The following ETV5 variants were observed in gnomAD, a reference collection of about 807,000 sequenced individuals.
The protein encoded by ETV5 is ETS variant transcription factor 5.
In ETV5, 10 loss-of-function variants were observed where a neutral mutation model predicts 70.0. That is an observed-to-expected ratio of 0.14 (90% confidence interval 0.09 to 0.24). The LOEUF is 0.24. Among genes scored for constraint, ETV5 ranks in the 10% least tolerant of loss-of-function variants. ETV5 has a pLI of 1.00. For synonymous variants in ETV5, 216 were observed against 242.2 expected (o/e 0.89, Z 1.01); for missense variants, 453 against 651.2 (o/e 0.70, Z 3.31).
At chr3:186,107,702 T>A (rs1326972724) in intron 1 of ETV5, among the ~76,000 whole-genome samples, 2 of 151,936 alleles carry the variant, frequency 1.3e-5, no homozygotes, top group African/African-American at 4.8e-5. Flanking sequence ...AGGAAAACTT[T>A]AGCACAGCGC....
rs34100225 is a variant in ETV5 at position 186,105,764 on chromosome 3, AG to A, written c.46-53del. The A allele has an allele frequency of 6.2e-7, 1 of 1,611,526 alleles. No homozygotes were observed. Among genetic ancestry groups the A allele is most frequent in the Non-Finnish European group, 8.5e-7 (1 of 1,177,574 alleles). Reference sequence around the variant, plus strand: ...GCTCAAGTGTAGTAAAGAGGTCCACAGGGGGAAGACTCATATTGGAGAGGGA... The same window carrying A: ...GCTCAAGTGTAGTAAAGAGGTCCACAGGGGAAGACTCATATTGGAGAGGGA... On this transcript the variant is annotated intron_variant, in intron 2 of 12. Coordinates refer to ENST00000306376, the MANE Select transcript of ETV5 (RefSeq NM_004454.3). This position sits in a 1 kb window ranked among gnomAD's most constrained non-coding sequence, Gnocchi z 4.5.
At chr3:186,108,507 A>C in intron 1 of ETV5, 1 of 1,276,374 alleles carries the variant, frequency 7.8e-7, no homozygotes, top group Non-Finnish European at 1.0e-6. Context: ...CCTCTCAGAC[A>C]TTCCCCTCAA....
chr3:186,052,831 C>T lies in ETV5; in HGVS notation c.1210-700G>A, dbSNP rs1330836004. ...CACTGATAGGGCAATATAATTGGAG[C>T]TCTGGGCAAAGCAGCCTTCTAGCAG... On this transcript the variant is annotated intron_variant, in intron 11 of 12. Transcript: ENST00000306376. The surrounding 1 kb of genome is among the most constrained non-coding windows in gnomAD (Gnocchi z 4.5). Among the ~76,000 whole-genome samples the T allele has an allele frequency of 6.6e-6, 1 of 152,182 alleles. No individual in the cohort carries two copies. Among genetic ancestry groups the T allele is most frequent in the Non-Finnish European group, 1.5e-5 (1 of 68,040 alleles).
intron 7 of ETV5, among the ~76,000 whole-genome samples, chr3:186,067,727 C>T (rs1713486642): frequency 6.6e-6 from 1 of 152,012 alleles, no homozygotes; most frequent in East Asian, 1.9e-4. Context: ...CAAGATAAAC[C>T]TGGATATACC....
intron 11 of ETV5, among the ~76,000 whole-genome samples, chr3:186,056,425 T>G (rs1013846298): frequency 6.6e-6 from 1 of 152,110 alleles, no homozygotes; most frequent in Non-Finnish European, 1.5e-5. Flanking sequence ...TTCTTTTATT[T>G]TTTGTAGAGA....
chr3:186,057,361 C>T lies in ETV5; in HGVS notation c.1039+62G>A, dbSNP rs1035931517. 2.7e-5 allele frequency: 43 copies of T among 1,599,702 alleles called. No individual in the cohort carries two copies. The highest frequency in any genetic ancestry group is 3.5e-5 in the Non-Finnish European group (41 of 1,167,160). The stretch of plus-strand genomic sequence containing the variant: ...ACTGGACTTGGGAAGAGAGTCATGG[C>T]TGAGGTGTTCTGACACCTCCAAACC... On this transcript the variant is annotated intron_variant, in intron 10 of 12. Coordinates refer to ENST00000306376, the MANE Select transcript of ETV5 (RefSeq NM_004454.3). The surrounding 1 kb of genome is among the most constrained non-coding windows in gnomAD (Gnocchi z 4.9).
chr3:186,072,996 G>A (rs2150146937), intron 7 of ETV5, among the ~76,000 whole-genome samples: 1 of 152,296 alleles, frequency 6.6e-6, no homozygotes, highest in Admixed American at 6.5e-5. Flanking sequence ...GCCGGGTGTG[G>A]TGGTGTACTC....
At chr3:186,063,541 A>G (rs1713361664) in intron 9 of ETV5, among the ~76,000 whole-genome samples, 1 of 152,226 alleles carries the variant, frequency 6.6e-6, no homozygotes, top group African/African-American at 2.4e-5. Context: ...ATAGGGCACA[A>G]GAACTTGAGC....
chr3:186,094,546 C>T (rs1379821458), intron 5 of ETV5, among the ~76,000 whole-genome samples: 2 of 152,062 alleles, frequency 1.3e-5, no homozygotes, highest in Non-Finnish European at 2.9e-5. Context: ...TGTACAGTTC[C>T]CTTTCTTCAA....
At chr3:186,081,025 C>T (rs375981906) in intron 6 of ETV5, 21 bp downstream of exon 6, 6 of 1,590,632 alleles carry the variant, frequency 3.8e-6, no homozygotes, top group African/African-American at 2.7e-5. Flanking sequence ...AGCCTTTCTT[C>T]GACTCCTCTT....
chr3:186,069,518 T>A lies in ETV5; in HGVS notation c.651-3446A>T, dbSNP rs1052280185. ...ACGAAGTTGTTTTTTTTTTTTTTTTTTTAAAAAAAGTCTAAAAAAAGACTT... is the reference window on the plus strand; with the variant it reads ...ACGAAGTTGTTTTTTTTTTTTTTTTATTAAAAAAAGTCTAAAAAAAGACTT... On this transcript the variant is annotated intron_variant, in intron 7 of 12. Transcript: ENST00000306376. Among the ~76,000 whole-genome samples, 21 of 140,578 alleles carry A rather than the reference T, an allele frequency of 1.5e-4. No homozygotes were observed. The Middle Eastern group carries it at 0.011, about 72-fold the overall frequency. 92.2% of individuals were successfully genotyped at this position (140,578 alleles called of 152,430 possible).
intron 7 of ETV5, among the ~76,000 whole-genome samples, chr3:186,069,501 GTTTTTTTTTT>G (rs370864275): frequency 3.1e-5 from 4 of 129,398 alleles, no homozygotes; most frequent in Admixed American, 1.6e-4. Context: ...AGACGAAGTT[GTTTTTTTTTT>G]TTTTTTTTTA....
intron 9 of ETV5, among the ~76,000 whole-genome samples, chr3:186,062,408 GT>G (rs1713326668): frequency 6.6e-6 from 1 of 152,200 alleles, no homozygotes; most frequent in African/African-American, 2.4e-5. Context: ...AGATCACGAG[GT>G]CAAGAGACTG....
intron 7 of ETV5, chr3:186,078,204 T>C (rs1285347451): frequency 1.9e-6 from 2 of 1,051,570 alleles, no homozygotes; most frequent in African/African-American, 3.3e-5. Flanking sequence ...TACAGTATGT[T>C]ACATAAGCCC....
At position 186,046,809 on chromosome 3, in the gene ETV5, A is replaced by G. The variant is rs573241800; in HGVS notation, c.*1830T>C. 1.3e-5 allele frequency: 3 copies of G among 232,662 alleles called. No individual in the cohort carries two copies. The highest frequency in any genetic ancestry group is 2.6e-5 in the Non-Finnish European group (3 of 117,392). 14.4% of individuals were successfully genotyped at this position (232,662 alleles called of 1,614,324 possible). On this transcript the variant is annotated 3_prime_UTR_variant, in exon 13 of 13. Coordinates refer to ENST00000306376, the MANE Select transcript of ETV5 (RefSeq NM_004454.3). ...GTATAGACTATGTGTAGGTTAAGAA[A>G]GCTATAAATATGGTTTAGAAAGAGT...
intron 9 of ETV5, among the ~76,000 whole-genome samples, chr3:186,060,373 T>C (rs1003124262): frequency 3.9e-5 from 6 of 152,236 alleles, no homozygotes; most frequent in Non-Finnish European, 8.8e-5. Flanking sequence ...ATCTGGAAGA[T>C]ACTATTGGTT....
intron 9 of ETV5, among the ~76,000 whole-genome samples, chr3:186,064,006 A>C (rs1249789513): frequency 1.3e-5 from 2 of 152,228 alleles, no homozygotes; most frequent in Non-Finnish European, 2.9e-5. Context: ...CCTCACTGAC[A>C]TAACTCCTAA....
chr3:186,074,791 A>G (rs1055131052), intron 7 of ETV5, among the ~76,000 whole-genome samples: 1 of 149,174 alleles, frequency 6.7e-6, no homozygotes, highest in Admixed American at 6.8e-5. Flanking sequence ...GTGCCCGCCT[A>G]TAATTCCAGC....
intron 7 of ETV5, among the ~76,000 whole-genome samples, chr3:186,075,378 A>C (rs942869659): frequency 6.6e-6 from 1 of 152,238 alleles, no homozygotes; most frequent in Non-Finnish European, 1.5e-5. Context: ...ATTCCTCTCT[A>C]AAAATTATTG....
Sources: allele counts gnomAD v4.1 joint callset (sites outside exome capture counted in the v4.1 genomes callset), GRCh38; gene constraint gnomAD v4.1.1; non-coding constraint Gnocchi (gnomAD v3.1); transcripts MANE v1.5; gene names NCBI Gene and HGNC (gene_info 2026-07-23, HGNC 2026-07-21).